EFR3A: variants seen among roughly 807,000 people sequenced by gnomAD.
EFR3A encodes EFR3 homolog A, also known as protein EFR3 homolog A.
Under a neutral mutation model 104.4 loss-of-function variants are expected in EFR3A, and 76 were observed. The observed-to-expected ratio is 0.73, with a 90% CI of 0.60 to 0.88. The LOEUF (loss-of-function observed/expected upper bound fraction) is 0.88. EFR3A is among the 40% of genes least tolerant of loss of function. The pLI, the probability that EFR3A is intolerant of heterozygous loss-of-function variation, is 0.00. For missense variants in EFR3A, 985 were observed against 1,012.5 expected, an observed-to-expected ratio of 0.97 and a Z score of 0.37; for synonymous variants, 330 against 330.0, an observed-to-expected ratio of 1.00 and a Z score of 0.00.
At chr8:131,959,812 CTTAT>C (rs1303729998) in intron 8 of EFR3A, 149 bp downstream of exon 8, 4 of 516,780 alleles carry the variant, frequency 7.7e-6, no homozygotes, top group Non-Finnish European at 1.3e-5. Flanking sequence ...TCATTTGCTA[CTTAT>C]TTTCTTATTT....
At chr8:131,963,809 G>A (rs1338885918) in intron 8 of EFR3A, among the ~76,000 whole-genome samples, 1 of 152,196 alleles carries the variant, frequency 6.6e-6, no homozygotes, top group Non-Finnish European at 1.5e-5. Context: ...GAACATCGAT[G>A]CAAAAATCCT....
intron 19 of EFR3A, among the ~76,000 whole-genome samples, chr8:131,997,368 C>A (rs1018168132): frequency 5.9e-5 from 9 of 152,010 alleles, no homozygotes; most frequent in African/African-American, 1.9e-4. Flanking sequence ...CCCTCCTACC[C>A]CCTTACAATT....
intron 1 of EFR3A, among the ~76,000 whole-genome samples, chr8:131,914,432 T>A (rs548187015): frequency 5.6e-4 from 85 of 152,298 alleles, no homozygotes; most frequent in Non-Finnish European, 9.7e-4. Flanking sequence ...ATCCTCATTG[T>A]TGATTCCTGA....
chr8:131,954,951 T>A (rs947503919), intron 6 of EFR3A, among the ~76,000 whole-genome samples: 1 of 152,148 alleles, frequency 6.6e-6, no homozygotes, highest in African/African-American at 2.4e-5. Flanking sequence ...ATTCCTTAGA[T>A]GTGACTGTCT....
intron 1 of EFR3A, chr8:131,938,200 C>T (rs1010230679): frequency 5.0e-6 from 2 of 397,264 alleles, no homozygotes; most frequent in East Asian, 3.6e-5. Context: ...TCAGAAAGAT[C>T]GACTAGAAAA....
intron 8 of EFR3A, among the ~76,000 whole-genome samples, chr8:131,967,426 G>A (rs1193526286): frequency 2.0e-5 from 3 of 151,856 alleles, no homozygotes; most frequent in African/African-American, 7.2e-5. Context: ...CTGAAAACAG[G>A]GCAGAGGGGA....
At position 131,964,947 on chromosome 8, in the gene EFR3A, G is replaced by C. The variant is rs537315181; in HGVS notation, c.856-3348G>C. Among the ~76,000 whole-genome samples, 216 of 152,084 alleles carry C rather than the reference G, an allele frequency of 1.4e-3. 1 individual carries two copies. Among genetic ancestry groups the C allele is most frequent in the African/African-American group, 5.1e-3 (210 of 41,404 alleles). ...ACTCTCTGATCTTTGGCAAACCTGA[G>C]AAAAACAAGAAATGGGGAAAGGATT... On this transcript the variant is annotated intron_variant, in intron 8 of 22. Coordinates refer to ENST00000254624, the MANE Select transcript of EFR3A (RefSeq NM_015137.6).
At chr8:131,967,571 CAAA>C (rs34303335) in intron 8 of EFR3A, among the ~76,000 whole-genome samples, 2 of 114,328 alleles carry the variant, frequency 1.7e-5, no homozygotes. Context: ...TGCTGTTCTT[CAAA>C]AAAAAAAAAA....
At chr8:131,949,484 C>A (rs949308020) in intron 4 of EFR3A, among the ~76,000 whole-genome samples, 1 of 151,962 alleles carries the variant, frequency 6.6e-6, no homozygotes, top group Admixed American at 6.6e-5. Context: ...TTTTCTTCCT[C>A]TTGTTTTCTA....
At position 131,984,152 on chromosome 8, in the gene EFR3A, T is replaced by C; in HGVS notation, c.1589T>C (p.Leu530Pro). Residue 530 changes from leucine to proline, a missense_variant, in exon 15 of 23, where the codon CTG becomes CCG. Leu to Pro is a moderately conservative substitution (Grantham distance 98, BLOSUM62 -3). Transcript: ENST00000254624. ...TTTTCTCCTCAGAATGGGCAACAGC[T>C]GTATCGGCACATATATTTGGGTTGT... ...TSFMKKNGQQ[L>P]YRHIYLGCKE... The C allele has an allele frequency of 1.2e-6, 2 of 1,606,298 alleles. No homozygotes were observed. The highest frequency in any genetic ancestry group is 1.7e-6 in the Non-Finnish European group (2 of 1,177,214).
chr8:131,911,717 A>C (rs796890733), intron 1 of EFR3A, among the ~76,000 whole-genome samples: 6 of 152,368 alleles, frequency 3.9e-5, no homozygotes, highest in African/African-American at 1.4e-4. Context: ...GGTTCAACAA[A>C]GTATGGACAT....
At chr8:131,941,704 G>A (rs1295345571) in intron 2 of EFR3A, among the ~76,000 whole-genome samples, 1 of 152,070 alleles carries the variant, frequency 6.6e-6, no homozygotes, top group East Asian at 1.9e-4. Flanking sequence ...AAGCAGGGAG[G>A]TATCACTGTG....
intron 1 of EFR3A, among the ~76,000 whole-genome samples, chr8:131,930,401 G>A (rs1029987768): frequency 6.8e-6 from 1 of 147,498 alleles, no homozygotes; most frequent in Non-Finnish European, 1.5e-5. Flanking sequence ...GCCATTGCAT[G>A]TAAAATAATT....
At chr8:131,933,110 A>G (rs1312470417) in intron 1 of EFR3A, among the ~76,000 whole-genome samples, 3 of 152,190 alleles carry the variant, frequency 2.0e-5, no homozygotes, top group South Asian at 2.1e-4. Flanking sequence ...TTCTAAGAGT[A>G]CTACTGATAT....
Position 131,996,338 on chromosome 8 carries a change from A to C in EFR3A, c.2066-68A>C, listed in dbSNP as rs2270874. 85 of 960,576 alleles carry C rather than the reference A, an allele frequency of 8.8e-5. No individual in the cohort carries two copies. In the East Asian group the frequency reaches 2.3e-3, roughly 27 times the overall value. The allele number at this position is 960,576 out of a possible 1,614,324, so 59.5% of individuals were successfully genotyped here. On this transcript the variant is annotated intron_variant, in intron 18 of 22. Transcript: ENST00000254624. ...ACAGTTTTTGAAATCTGAAATAAGT[A>C]GAGTTTATAAATGAAAACCAACATA...
At chr8:131,965,841 G>T (rs1819685425) in intron 8 of EFR3A, among the ~76,000 whole-genome samples, 2 of 152,110 alleles carry the variant, frequency 1.3e-5, no homozygotes, top group South Asian at 2.1e-4. Context: ...ACTGGATTAA[G>T]AAAATGTGGC....
At chr8:131,972,489 G>A (rs767539966) in intron 10 of EFR3A, among the ~76,000 whole-genome samples, 39 of 150,168 alleles carry the variant, frequency 2.6e-4, no homozygotes, top group Non-Finnish European at 3.4e-4. Flanking sequence ...TGTAGTCAAA[G>A]TACAAACAGT....
chr8:131,994,263 A>G (rs1400768707), intron 18 of EFR3A, among the ~76,000 whole-genome samples: 1 of 150,410 alleles, frequency 6.6e-6, no homozygotes, highest in South Asian at 2.1e-4. Flanking sequence ...AAAAAAAAAG[A>G]GAGAGAAAGA....
chr8:132,011,255 T>G lies in EFR3A; in HGVS notation c.*360T>G. 4.0e-6 allele frequency: 4 copies of G among 992,754 alleles called. No homozygotes were observed. Among genetic ancestry groups the G allele is most frequent in the Non-Finnish European group, 4.8e-6 (4 of 834,302 alleles). The allele number at this position is 992,754 out of a possible 1,614,324, so 61.5% of individuals were successfully genotyped here. Reference sequence around the variant, plus strand: ...GGATTGAAACTGTATAAATTGTTTATCTCTTAAACATCTACACAGCCGCTT... The same window carrying G: ...GGATTGAAACTGTATAAATTGTTTAGCTCTTAAACATCTACACAGCCGCTT... On this transcript the variant is annotated 3_prime_UTR_variant, in exon 23 of 23. Transcript: ENST00000254624.
Sources: gnomAD v4.1 joint callset for allele counts (sites outside exome capture counted in the v4.1 genomes callset) on GRCh38, gnomAD v4.1.1 for gene constraint, MANE v1.5 for transcripts, NCBI Gene and HGNC (gene_info 2026-07-23, HGNC 2026-07-21) for gene names.